The following DNAJC10 variants were observed in gnomAD, a reference collection of about 807,000 sequenced individuals.
DNAJC10 encodes the protein DnaJ heat shock protein family (Hsp40) member C10.
In DNAJC10, 101 loss-of-function variants were observed where a neutral mutation model predicts 115.0. The ratio of observed to expected loss-of-function variants is 0.88; its 90% confidence interval spans 0.75 to 1.04. The LOEUF (loss-of-function observed/expected upper bound fraction) is 1.04. Ranked by LOEUF, DNAJC10 falls within the 50% of genes least tolerant of loss-of-function variation. DNAJC10 has a pLI of 0.00. For synonymous variants in DNAJC10, 307 were observed against 301.5 expected (o/e 1.02, Z -0.19); for missense variants, 981 against 928.8 (o/e 1.06, Z -0.73).
At chr2:182,774,213 C>G (rs1378352634) in intron 22 of DNAJC10, among the ~76,000 whole-genome samples, 1 of 152,212 alleles carries the variant, frequency 6.6e-6, no homozygotes, top group Non-Finnish European at 1.5e-5. Flanking sequence ...GATGCTTCCT[C>G]TGGAAGCTTT....
intron 21 of DNAJC10, among the ~76,000 whole-genome samples, 183 bp from the exon 22 acceptor site, chr2:182,762,499 G>C (rs1313539237): frequency 6.6e-6 from 1 of 152,130 alleles, no homozygotes; most frequent in Non-Finnish European, 1.5e-5. Context: ...TGCTGTTGGA[G>C]AGGTGGTGCT....
In DNAJC10 at chr2:182,773,227, G is replaced by C. The variant is rs150267077; in HGVS notation, c.2266-2089G>C. Among the ~76,000 whole-genome samples the C allele has an allele frequency of 3.0e-3, 462 of 152,280 alleles. 3 individuals carry two copies. The highest frequency in any genetic ancestry group is 0.011 in the African/African-American group (449 of 41,560). The stretch of plus-strand genomic sequence containing the variant: ...CTGTTAGTCTGATGGGCTTCCCTTT[G>C]AGGGTAACTCGACCTTTCTCTCTGC... On this transcript the variant is annotated intron_variant, in intron 22 of 23. Coordinates refer to ENST00000264065, the MANE Select transcript of DNAJC10 (RefSeq NM_018981.4).
intron 3 of DNAJC10, 81 bp downstream of exon 3, chr2:182,718,371 C>T (rs1176825760): frequency 8.9e-7 from 1 of 1,120,250 alleles, no homozygotes; most frequent in East Asian, 2.6e-5. Context: ...TTTAAATGAT[C>T]AAATGCTTAA....
At chr2:182,719,707 A>G (rs1412136449) in intron 3 of DNAJC10, among the ~76,000 whole-genome samples, 4 of 150,622 alleles carry the variant, frequency 2.7e-5, no homozygotes, top group Non-Finnish European at 4.4e-5. Context: ...CAGGCTTATT[A>G]TTTTCAGCTG....
chr2:182,722,121 T>G (rs1265386454), intron 5 of DNAJC10, 46 bp downstream of exon 5: 1 of 1,353,474 alleles, frequency 7.4e-7, no homozygotes, highest in East Asian at 2.4e-5. Context: ...ACAAGTTCGA[T>G]CTCATCTAAA....
In DNAJC10 at chr2:182,785,310, C is replaced by T. The variant is rs939390898; in HGVS notation, c.*8178C>T. On this transcript the variant is annotated 3_prime_UTR_variant, in exon 24 of 24. Transcript: ENST00000264065. ...AATAGCTTAATTTTTTTTTTTAATT[C>T]AAAAATCTCAGGGTTTTCTGGGGCT... 3.3e-4 allele frequency: 49 copies of T among 150,702 alleles called. No homozygotes were observed. Among genetic ancestry groups the T allele is most frequent in the African/African-American group, 1.1e-3 (44 of 41,082 alleles). 9.3% of individuals were successfully genotyped at this position (150,702 alleles called of 1,614,324 possible).
At chr2:182,746,970 C>T (rs1484569146) in intron 14 of DNAJC10, among the ~76,000 whole-genome samples, 2 of 151,630 alleles carry the variant, frequency 1.3e-5, no homozygotes, top group East Asian at 3.9e-4. Context: ...TTTCCCAGCA[C>T]CATTTATTAA....
chr2:182,754,968 A>G lies in DNAJC10; in HGVS notation c.1552-35A>G, dbSNP rs755791948. The G allele has an allele frequency of 6.2e-6, 9 of 1,454,026 alleles. No homozygotes were observed. The African/African-American group carries it at 9.8e-5, about 16-fold the overall frequency. The allele number at this position is 1,454,026 out of a possible 1,614,324, so 90.1% of individuals were successfully genotyped here. A position where few individuals can be genotyped will look rare whatever the true frequency, so the allele number is the denominator to read the frequency against. On this transcript the variant is annotated intron_variant, in intron 16 of 23. Transcript: ENST00000264065. ...AATTTGTAACAAATAGGTGAAATCT[A>G]TAAAATCTTTAATTCATATTCTCCT...
chr2:182,751,070 C>A (rs1226973905), intron 14 of DNAJC10, among the ~76,000 whole-genome samples: 1 of 150,360 alleles, frequency 6.7e-6, no homozygotes, highest in African/African-American at 2.5e-5. Flanking sequence ...TTTAAAGAAC[C>A]CTATAAAAAA....
chr2:182,747,688 G>A (rs1333150229), intron 14 of DNAJC10, among the ~76,000 whole-genome samples: 1 of 151,222 alleles, frequency 6.6e-6, no homozygotes, highest in Non-Finnish European at 1.5e-5. Flanking sequence ...GGGACAATTT[G>A]ACTTCCTCTT....
In DNAJC10 at chr2:182,740,400, A is replaced by C; in HGVS notation, c.1077+12A>C. On this transcript the variant is annotated intron_variant, in intron 12 of 23. Coordinates refer to ENST00000264065, the MANE Select transcript of DNAJC10 (RefSeq NM_018981.4). ...CAAACACACTAGAGGTAATGTTTTT[A>C]TTAATAATGATAAGTAGCAATGAAT... The C allele has an allele frequency of 6.4e-7, 1 of 1,552,420 alleles. No individual in the cohort carries two copies. Among genetic ancestry groups the C allele is most frequent in the Non-Finnish European group, 8.6e-7 (1 of 1,157,824 alleles).
intron 14 of DNAJC10, among the ~76,000 whole-genome samples, chr2:182,750,068 T>G (rs545282133): frequency 6.6e-6 from 1 of 152,114 alleles, no homozygotes; most frequent in Non-Finnish European, 1.5e-5. Flanking sequence ...GTAACAGAGA[T>G]GAAGAGAAGT....
At position 182,777,669 on chromosome 2, in the gene DNAJC10, A is replaced by C. The variant is rs529343909; in HGVS notation, c.*537A>C. The C allele has an allele frequency of 6.6e-6, 1 of 152,218 alleles. No individual in the cohort carries two copies. Among genetic ancestry groups the C allele is most frequent in the African/African-American group, 2.4e-5 (1 of 41,468 alleles). 9.4% of individuals were successfully genotyped at this position (152,218 alleles called of 1,614,324 possible). The stretch of plus-strand genomic sequence containing the variant: ...GGTCACTTGTTCTCCTAAAAATGCT[A>C]TCCCTAACCATATATTTATATTTCG... On this transcript the variant is annotated 3_prime_UTR_variant, in exon 24 of 24. Coordinates refer to ENST00000264065, the MANE Select transcript of DNAJC10 (RefSeq NM_018981.4).
chr2:182,718,563 A>G (rs1299841724), intron 3 of DNAJC10, among the ~76,000 whole-genome samples: 1 of 152,202 alleles, frequency 6.6e-6, no homozygotes, highest in African/African-American at 2.4e-5. Flanking sequence ...AAACGATAAT[A>G]TCCGTGAAGT....
chr2:182,722,760 G>T (rs1358201303), intron 5 of DNAJC10, among the ~76,000 whole-genome samples: 1 of 151,936 alleles, frequency 6.6e-6, no homozygotes, highest in Admixed American at 6.6e-5. Flanking sequence ...GGCCAACATG[G>T]GGAAAACCCT....
intron 5 of DNAJC10, 44 bp downstream of exon 5, chr2:182,722,119 G>A (rs371448909): frequency 1.3e-5 from 17 of 1,355,934 alleles, no homozygotes; most frequent in South Asian, 5.3e-5. Flanking sequence ...ATACAAGTTC[G>A]ATCTCATCTA....
intron 2 of DNAJC10, among the ~76,000 whole-genome samples, chr2:182,717,282 A>C (rs992347004): frequency 3.3e-5 from 5 of 152,102 alleles, no homozygotes; most frequent in Non-Finnish European, 7.3e-5. Context: ...TTTTGTTTCT[A>C]CTTACACCAA....
intron 11 of DNAJC10, among the ~76,000 whole-genome samples, chr2:182,738,372 A>G (rs1693638895): frequency 6.6e-6 from 1 of 152,174 alleles, no homozygotes; most frequent in African/African-American, 2.4e-5. Context: ...ACCCTGTCCA[A>G]CAATAGAGCC....
chr2:182,736,942 G>T (rs1322064523), intron 11 of DNAJC10, among the ~76,000 whole-genome samples: 1 of 152,118 alleles, frequency 6.6e-6, no homozygotes, highest in Non-Finnish European at 1.5e-5. Flanking sequence ...TAGAGACGGG[G>T]TTTCGCCATG....
Sources: gnomAD v4.1 joint callset for allele counts (sites outside exome capture counted in the v4.1 genomes callset) on GRCh38, gnomAD v4.1.1 for gene constraint, MANE v1.5 for transcripts, NCBI Gene and HGNC (gene_info 2026-07-23, HGNC 2026-07-21) for gene names.